DLGAP2: variants seen among roughly 807,000 people sequenced by gnomAD.
The protein encoded by DLGAP2 is DLG associated protein 2, also known as disks large-associated protein 2.
DLGAP2 carries 26 observed loss-of-function variants against 100.3 expected under a neutral mutation model. The ratio of observed to expected loss-of-function variants is 0.26; its 90% CI spans 0.19 to 0.36. The LOEUF (loss-of-function observed/expected upper bound fraction) is 0.36, where lower values mean the gene tolerates loss of function less well. Ranked by LOEUF, DLGAP2 falls within the 10% of genes least tolerant of loss-of-function variation. The probability of loss-of-function intolerance (pLI) is 1.00; values close to 1 mark genes in which losing one functional copy is unlikely to be tolerated. For synonymous variants in DLGAP2, 886 were observed against 630.1 expected, an observed-to-expected ratio of 1.41 and a Z score of -6.08; for missense variants, 1,858 against 1,453.2, an observed-to-expected ratio of 1.28 and a Z score of -4.53.
chr8:1,410,585 C>A (rs1796700709), intron 3 of DLGAP2, among the ~76,000 whole-genome samples: 1 of 152,258 alleles, frequency 6.6e-6, no homozygotes, highest in Admixed American at 6.5e-5. Context: ...CAGCTCCCTT[C>A]TCAGAATGAA....
intron 2 of DLGAP2, among the ~76,000 whole-genome samples, chr8:1,004,896 A>T (rs1801062087): frequency 6.6e-6 from 1 of 152,162 alleles, no homozygotes; most frequent in Non-Finnish European, 1.5e-5. Context: ...AGTGGGCAGA[A>T]CTCAGGCAGG....
At chr8:804,577 A>G (rs765278099) in intron 1 of DLGAP2, among the ~76,000 whole-genome samples, 1 of 152,226 alleles carries the variant, frequency 6.6e-6, no homozygotes, top group African/African-American at 2.4e-5. Flanking sequence ...TGCTTATTCG[A>G]AGAAATGAAC....
chr8:925,106 C>T (rs559709397), intron 2 of DLGAP2, among the ~76,000 whole-genome samples: 2 of 151,832 alleles, frequency 1.3e-5, no homozygotes, highest in African/African-American at 2.4e-5. Context: ...TGTAGGTGCG[C>T]GTGGGTGATG....
chr8:1,654,554 G>A (rs1476495275), intron 8 of DLGAP2, among the ~76,000 whole-genome samples: 4 of 151,902 alleles, frequency 2.6e-5, no homozygotes, highest in Non-Finnish European at 4.4e-5. Context: ...CCAGCTACTC[G>A]GGAGACTGAG....
chr8:1,481,463 T>C (rs928750707), intron 3 of DLGAP2, among the ~76,000 whole-genome samples: 5 of 124,220 alleles, frequency 4.0e-5, no homozygotes, highest in African/African-American at 1.6e-4. Flanking sequence ...CTTTTTCTTT[T>C]TCTTTTTCTT....
At chr8:1,102,445 A>G (rs1447265912) in intron 2 of DLGAP2, among the ~76,000 whole-genome samples, 1 of 151,326 alleles carries the variant, frequency 6.6e-6, no homozygotes, top group African/African-American at 2.4e-5. Context: ...ATGCCGTCCA[A>G]AAATCCATGG....
chr8:1,285,500 G>T (rs538535439), intron 3 of DLGAP2, among the ~76,000 whole-genome samples: 2 of 152,154 alleles, frequency 1.3e-5, no homozygotes, highest in Admixed American at 1.3e-4. Flanking sequence ...TCTGGATTCT[G>T]TTGTGCAGGT....
At chr8:1,412,236 G>A (rs769344717) in intron 3 of DLGAP2, among the ~76,000 whole-genome samples, 4 of 152,034 alleles carry the variant, frequency 2.6e-5, no homozygotes, top group African/African-American at 4.8e-5. Context: ...GAGGTCCCCC[G>A]CCAGCCTCCT....
intron 3 of DLGAP2, among the ~76,000 whole-genome samples, chr8:1,392,992 A>G (rs1405140408): frequency 5.1e-5 from 4 of 78,138 alleles, no homozygotes; most frequent in Non-Finnish European, 1.0e-4. Context: ...AGGCCTCAGG[A>G]AGGCATTCGA....
chr8:1,326,604 C>A (rs565373780), intron 3 of DLGAP2, among the ~76,000 whole-genome samples: 1 of 152,012 alleles, frequency 6.6e-6, no homozygotes, highest in East Asian at 1.9e-4. Flanking sequence ...GGCGCGTGCT[C>A]GGTCTCAGTC....
chr8:942,405 T>G (rs1380981463), intron 2 of DLGAP2, among the ~76,000 whole-genome samples: 1 of 152,220 alleles, frequency 6.6e-6, no homozygotes, highest in African/African-American at 2.4e-5. Context: ...TCCTCCCACC[T>G]GGAGGAGAGA....
At chr8:1,453,099 G>C (rs985298248) in intron 3 of DLGAP2, among the ~76,000 whole-genome samples, 1 of 152,110 alleles carries the variant, frequency 6.6e-6, no homozygotes, top group Non-Finnish European at 1.5e-5. Context: ...ATCCCTTGTA[G>C]AGGAGACTGC....
At chr8:756,425 A>T (rs1335003312) in intron 1 of DLGAP2, among the ~76,000 whole-genome samples, 1 of 152,244 alleles carries the variant, frequency 6.6e-6, no homozygotes, top group East Asian at 1.9e-4. Context: ...GTTTTTAATT[A>T]GCACAGATGC....
At chr8:1,028,156 G>A (rs1364012307) in intron 2 of DLGAP2, among the ~76,000 whole-genome samples, 2 of 134,620 alleles carry the variant, frequency 1.5e-5, no homozygotes, top group African/African-American at 5.7e-5. Context: ...TCTCCAGGTG[G>A]GGTACCAGGC....
intron 3 of DLGAP2, among the ~76,000 whole-genome samples, chr8:1,410,991 T>C (rs1584871032): frequency 1.3e-5 from 2 of 152,340 alleles, no homozygotes; most frequent in South Asian, 4.1e-4. Context: ...TTACTTTGAC[T>C]TGCCAGCTAA....
At chr8:1,552,149 C>G (rs1801789700) in intron 5 of DLGAP2, among the ~76,000 whole-genome samples, 1 of 152,196 alleles carries the variant, frequency 6.6e-6, no homozygotes, top group Non-Finnish European at 1.5e-5. Flanking sequence ...CACTGGCCTC[C>G]CTCTCACGTC....
At chr8:1,092,200 C>T (rs1267564733) in intron 2 of DLGAP2, among the ~76,000 whole-genome samples, 2 of 152,146 alleles carry the variant, frequency 1.3e-5, no homozygotes, top group Non-Finnish European at 1.5e-5. Context: ...CACAGGTCAG[C>T]GCTGGGCAGT....
At chr8:1,140,176 G>A (rs73670651) in intron 2 of DLGAP2, among the ~76,000 whole-genome samples, 2,867 of 152,232 alleles carry the variant, frequency 0.019, 102 homozygotes, top group African/African-American at 0.065. Flanking sequence ...ATGTCGTAGC[G>A]GGGAGGTGCG....
intron 2 of DLGAP2, among the ~76,000 whole-genome samples, chr8:1,223,886 A>G (rs73527726): frequency 0.055 from 8,349 of 152,278 alleles, 491 homozygotes; most frequent in African/African-American, 0.14. Context: ...TCTCTAGCAA[A>G]CAATGTGTGA....
Sources: gnomAD v4.1 joint callset for allele counts (sites outside exome capture counted in the v4.1 genomes callset) on GRCh38, gnomAD v4.1.1 for gene constraint, MANE v1.5 for transcripts, NCBI Gene and HGNC (gene_info 2026-07-23, HGNC 2026-07-21) for gene names.